The following GFOD1 variants were observed in gnomAD, a reference collection of about 807,000 sequenced individuals.
GFOD1 encodes Gfo/Idh/MocA-like oxidoreductase domain containing 1.
In GFOD1, 9 loss-of-function variants were observed where a neutral mutation model predicts 25.4. That is an observed-to-expected ratio of 0.35 (90% confidence interval 0.21 to 0.62). The LOEUF (loss-of-function observed/expected upper bound fraction) is 0.62. GFOD1 is among the 20% of genes least tolerant of loss of function. GFOD1 has a pLI of 0.72. For synonymous variants in GFOD1, 253 were observed against 245.6 expected (o/e 1.03, Z -0.28); for missense variants, 403 against 556.9 (o/e 0.72, Z 2.78).
rs547563246 is a variant in GFOD1 at position 13,428,130 on chromosome 6, A to C, written c.253+58508T>G. Among the ~76,000 whole-genome samples the C allele has an allele frequency of 1.4e-4, 22 of 152,298 alleles. No homozygotes were observed. The East Asian group carries it at 3.7e-3, about 25-fold the overall frequency. On this transcript the variant is annotated intron_variant, in intron 1 of 1. Coordinates refer to ENST00000379287, the MANE Select transcript of GFOD1 (RefSeq NM_018988.4). Reference sequence around the variant, plus strand: ...ACAGAGATAGGAAAGTCCATGTGGAAACAGATCGTCTTTTCTATCAACCAT... The same window carrying C: ...ACAGAGATAGGAAAGTCCATGTGGACACAGATCGTCTTTTCTATCAACCAT...
rs6458769 is a variant in GFOD1, at chr6:13,360,406, C to T, written c.*4337G>A. ...AGACAAGATGAAGAGAGTAGGGGTG[C>T]AAAGAAAGGTGCAGTGCACAGCTAA... On this transcript the variant is annotated 3_prime_UTR_variant, in exon 2 of 2. Coordinates refer to ENST00000379287, the MANE Select transcript of GFOD1 (RefSeq NM_018988.4). The T allele has an allele frequency of 0.015, 5,031 of 324,958 alleles. 73 individuals carry two copies. Among genetic ancestry groups the T allele is most frequent in the Middle Eastern group, 0.029 (26 of 896 alleles). 20.1% of individuals were successfully genotyped at this position (324,958 alleles called of 1,614,324 possible). A position where few individuals can be genotyped will look rare whatever the true frequency, so the allele number is the denominator to read the frequency against.
rs992741626 is a variant in GFOD1, at chr6:13,364,941, C to T, written c.975G>A (p.Thr325=). 5 of 1,611,484 alleles carry T rather than the reference C, an allele frequency of 3.1e-6. No individual in the cohort carries two copies. The highest frequency in any genetic ancestry group is 1.3e-5 in the African/African-American group (1 of 74,938). ...QAFQDQDDRR[T]WDGRPLTMAA... ...CCATGGTGAGGGGCCGCCCATCCCA[C>T]GTGCGCCGGTCGTCCTGGTCCTGGA... The change falls in exon 2 of 2, where the codon ACG becomes ACA. Residue 325 remains threonine (T), a synonymous_variant. Transcript: ENST00000379287. This position sits in a 1 kb window ranked among gnomAD's most constrained non-coding sequence, Gnocchi z 4.1.
rs1333489249 is a variant in GFOD1, at chr6:13,360,807, G to C, written c.*3936C>G. On this transcript the variant is annotated 3_prime_UTR_variant, in exon 2 of 2. Transcript: ENST00000379287. ...TTGTCACAGTCCTTCCTGGGTGTGA[G>C]AGCAGACCCCGTAGACATTGATAAG... 2.2e-6 allele frequency: 1 copy of C among 456,612 alleles called. No individual in the cohort carries two copies. Among genetic ancestry groups the C allele is most frequent in the East Asian group, 6.9e-5 (1 of 14,398 alleles). 28.3% of individuals were successfully genotyped at this position (456,612 alleles called of 1,614,324 possible).
Position 13,360,130 on chromosome 6 carries a change from G to A in GFOD1, c.*4613C>T, listed in dbSNP as rs1784925704. Reference sequence around the variant, plus strand: ...ATGTGAGGCAGCATGAGACTTAAGAGGCAGAAAACCTGACTTTTTGTCCTG... The same window carrying A: ...ATGTGAGGCAGCATGAGACTTAAGAAGCAGAAAACCTGACTTTTTGTCCTG... On this transcript the variant is annotated 3_prime_UTR_variant, in exon 2 of 2. Coordinates refer to ENST00000379287, the MANE Select transcript of GFOD1 (RefSeq NM_018988.4). 1 of 154,712 alleles carries A rather than the reference G, an allele frequency of 6.5e-6. No individual in the cohort carries two copies. The highest frequency in any genetic ancestry group is 1.4e-5 in the Non-Finnish European group (1 of 69,800). 9.6% of individuals were successfully genotyped at this position (154,712 alleles called of 1,614,324 possible).
rs1397021482 is a variant in GFOD1 at position 13,412,576 on chromosome 6, T to C, written c.254-46914A>G. Among the ~76,000 whole-genome samples, 3 of 152,332 alleles carry C rather than the reference T, an allele frequency of 2.0e-5. No homozygotes were observed. In the East Asian group the frequency reaches 5.8e-4, roughly 29 times the overall value. On this transcript the variant is annotated intron_variant, in intron 1 of 1. Transcript: ENST00000379287. ...AGCCAACATCACTTCTGGTTGGCAG[T>C]ATCAGTTATGAAATATTTCAAATGT...
intron 1 of GFOD1, among the ~76,000 whole-genome samples, chr6:13,438,624 A>G (rs1276287471): frequency 6.6e-6 from 1 of 152,158 alleles, no homozygotes; most frequent in East Asian, 1.9e-4. Flanking sequence ...CCCAACATAT[A>G]TATTATTTAT....
At position 13,432,376 on chromosome 6, in the gene GFOD1, G is replaced by A. The variant is rs181923725; in HGVS notation, c.253+54262C>T. ...CCACAGGCATGCACCACCATGGATA[G>A]TTTTTATTATTATTATTATTTGCAG... On this transcript the variant is annotated intron_variant, in intron 1 of 1. Coordinates refer to ENST00000379287, the MANE Select transcript of GFOD1 (RefSeq NM_018988.4). Among the ~76,000 whole-genome samples, 506 of 151,942 alleles carry A rather than the reference G, an allele frequency of 3.3e-3. 5 individuals carry two copies. Among genetic ancestry groups the A allele is most frequent in the African/African-American group, 0.012 (489 of 41,432 alleles).
chr6:13,469,262 C>T (rs1024950952), intron 1 of GFOD1: 1 of 985,450 alleles, frequency 1.0e-6, no homozygotes, highest in African/African-American at 1.7e-5. Flanking sequence ...ATACATCACA[C>T]TCGCCTTTTA....
chr6:13,442,018 A>G (rs768430571), intron 1 of GFOD1, among the ~76,000 whole-genome samples: 17 of 152,194 alleles, frequency 1.1e-4, no homozygotes, highest in South Asian at 2.1e-4. Context: ...AGACACGCCA[A>G]TTCTCCTAAT....
chr6:13,374,683 T>C (rs994011828), intron 1 of GFOD1, among the ~76,000 whole-genome samples: 3 of 151,486 alleles, frequency 2.0e-5, no homozygotes, highest in Admixed American at 2.0e-4. Flanking sequence ...ACATATAATG[T>C]ATAGTGATCA....
intron 1 of GFOD1, among the ~76,000 whole-genome samples, chr6:13,445,838 C>A (rs1757993650): frequency 6.6e-6 from 1 of 152,196 alleles, no homozygotes; most frequent in South Asian, 2.1e-4. Context: ...TGCTGGGTTG[C>A]ACAGTCCAGA....
chr6:13,469,209 C>T, intron 1 of GFOD1: 1 of 982,994 alleles, frequency 1.0e-6, no homozygotes, highest in Non-Finnish European at 1.2e-6. Flanking sequence ...CTGTTGGTAA[C>T]AGCACCACAC....
intron 1 of GFOD1, among the ~76,000 whole-genome samples, chr6:13,477,216 GGTGTGT>G (rs60649261): frequency 7.1e-6 from 1 of 140,770 alleles, no homozygotes; most frequent in African/African-American, 2.7e-5. Context: ...ACCAATAGGG[GGTGTGT>G]GTGTGTGTGT....
rs572054316 is a variant in GFOD1, at chr6:13,383,616, T to C, written c.254-17954A>G. Among the ~76,000 whole-genome samples the C allele has an allele frequency of 1.4e-4, 22 of 152,370 alleles. 1 individual carries two copies. The South Asian group carries it at 4.6e-3, about 32-fold the overall frequency. The stretch of plus-strand genomic sequence containing the variant: ...TGCCCCATAGGCATACACATCTCAT[T>C]GTTAAAATAATTAATGGGAAGGCCA... On this transcript the variant is annotated intron_variant, in intron 1 of 1. Transcript: ENST00000379287.
intron 1 of GFOD1, among the ~76,000 whole-genome samples, chr6:13,389,932 T>C (rs1262594242): frequency 6.6e-6 from 1 of 152,114 alleles, no homozygotes; most frequent in African/African-American, 2.4e-5. Flanking sequence ...AAGGACCCCC[T>C]GCATTTCCTC....
chr6:13,449,799 T>C lies in GFOD1; in HGVS notation c.253+36839A>G, dbSNP rs148537323. On this transcript the variant is annotated intron_variant, in intron 1 of 1. Coordinates refer to ENST00000379287, the MANE Select transcript of GFOD1 (RefSeq NM_018988.4). ...AGGCCTCCCCAGCCACATGGAACTG[T>C]GAGTCCATTAAACCTCTTTTTCTTT... is the stretch of plus-strand genomic sequence containing the variant. Among the ~76,000 whole-genome samples, 658 of 152,338 alleles carry C rather than the reference T, an allele frequency of 4.3e-3. 4 individuals are homozygous for C. The highest frequency in any genetic ancestry group is 0.015 in the African/African-American group (641 of 41,576).
intron 1 of GFOD1, among the ~76,000 whole-genome samples, chr6:13,464,394 C>G (rs978113443): frequency 1.3e-5 from 2 of 152,166 alleles, no homozygotes; most frequent in Non-Finnish European, 2.9e-5. Context: ...TACCACAGAA[C>G]GAAGACTTGT....
intron 1 of GFOD1, among the ~76,000 whole-genome samples, chr6:13,472,766 A>C (rs1432504823): frequency 5.9e-5 from 9 of 152,240 alleles, no homozygotes; most frequent in Admixed American, 5.2e-4. Flanking sequence ...TAGCCAAGGA[A>C]CTTTTCCTTT....
At position 13,486,745 on chromosome 6, in the gene GFOD1, G is replaced by A. The variant is rs1584681247; in HGVS notation, c.146C>T (p.Pro49Leu). ...AEELAKEMSV[P>L]FYTSRIDEVL... ...CTCATCAATGCGGCTAGTGTAGAAGGGGACACTCATCTCCTTGGCCAGCTC... is the reference window on the plus strand; with the variant it reads ...CTCATCAATGCGGCTAGTGTAGAAGAGGACACTCATCTCCTTGGCCAGCTC... The change falls in exon 1 of 2, where the codon CCC becomes CTC. Residue 49 changes from proline to leucine, a missense_variant. Pro to Leu is a moderately conservative substitution (Grantham distance 98, BLOSUM62 -3). Coordinates refer to ENST00000379287, the MANE Select transcript of GFOD1 (RefSeq NM_018988.4). 1 of 1,614,100 alleles carries A rather than the reference G, an allele frequency of 6.2e-7. No homozygotes were observed. The highest frequency in any genetic ancestry group is 8.5e-7 in the Non-Finnish European group (1 of 1,179,992).
Sources: allele counts gnomAD v4.1 joint callset (sites outside exome capture counted in the v4.1 genomes callset), GRCh38; gene constraint gnomAD v4.1.1; non-coding constraint Gnocchi (gnomAD v3.1); transcripts MANE v1.5; gene names NCBI Gene and HGNC (gene_info 2026-07-23, HGNC 2026-07-21).